The following DACH2 variants were observed in gnomAD, a reference collection of about 807,000 sequenced individuals.
DACH2 encodes the protein dachshund family transcription factor 2.
Under a neutral mutation model 35.8 loss-of-function variants are expected in DACH2, and 17 were observed. The ratio of observed to expected loss-of-function variants is 0.48; its 90% CI spans 0.33 to 0.71. The LOEUF is 0.71. DACH2 is among the 30% of genes least tolerant of loss of function. The pLI, the probability that DACH2 is intolerant of heterozygous loss-of-function variation, is 0.02. For missense variants in DACH2, 469 were observed against 472.7 expected, an observed-to-expected ratio of 0.99 and a Z score of 0.07; for synonymous variants, 195 against 177.3, an observed-to-expected ratio of 1.10 and a Z score of -0.79.
chrX:86,266,054 A>G (rs1171777610), intron 1 of DACH2, among the ~76,000 whole-genome samples: 1 of 111,757 alleles, frequency 8.9e-6, no homozygotes, highest in East Asian at 2.8e-4. Flanking sequence ...TTCAACCAAC[A>G]AAATGAACTT....
At chrX:86,436,366 GTATA>G (rs59478677) in intron 2 of DACH2, among the ~76,000 whole-genome samples, 117 of 83,778 alleles carry the variant, frequency 1.4e-3, no homozygotes, top group African/African-American at 4.5e-3. Flanking sequence ...GGTGATATAT[GTATA>G]TATATATATA....
chrX:86,252,080 C>A (rs2033412270), intron 1 of DACH2, among the ~76,000 whole-genome samples: 1 of 111,410 alleles, frequency 9.0e-6, no homozygotes, highest in African/African-American at 3.3e-5. Context: ...ATTTGCATTT[C>A]CCTGATAATT....
At chrX:86,167,138 C>T (rs963650935) in intron 1 of DACH2, among the ~76,000 whole-genome samples, 11 of 111,051 alleles carry the variant, frequency 9.9e-5, no homozygotes, top group Admixed American at 1.9e-4. Context: ...TATTGGGTTT[C>T]GTTCTTTTTA....
intron 11 of DACH2, among the ~76,000 whole-genome samples, chrX:86,824,335 G>T (rs777470309): frequency 9.0e-6 from 1 of 111,702 alleles, no homozygotes; most frequent in South Asian, 3.8e-4. Context: ...AGAAAAATAT[G>T]GCTCTATTTT....
In DACH2 at chrX:86,748,699, T is replaced by C. The variant is rs753542010; in HGVS notation, c.1240+8817T>C. Among the ~76,000 whole-genome samples the C allele has an allele frequency of 2.7e-5, 3 of 111,520 alleles. No individual in the cohort carries two copies. The South Asian group carries it at 1.1e-3, about 42-fold the overall frequency. On this transcript the variant is annotated intron_variant, in intron 7 of 11. Transcript: ENST00000373125. The stretch of plus-strand genomic sequence containing the variant: ...GGGTTTTTATTTTTGTAATGGAAAA[T>C]GTGCATTGGCTTGAACTTAAAGTCA...
chrX:86,592,042 A>G (rs1358445156), intron 3 of DACH2, among the ~76,000 whole-genome samples: 1 of 109,976 alleles, frequency 9.1e-6, no homozygotes, highest in Non-Finnish European at 1.9e-5. Flanking sequence ...CTAAACTATG[A>G]TTTTTTTTTA....
intron 7 of DACH2, among the ~76,000 whole-genome samples, chrX:86,740,613 T>G (rs1670904915): frequency 9.5e-6 from 1 of 104,821 alleles, no homozygotes; most frequent in Non-Finnish European, 1.9e-5. Context: ...TCAGAAGCCT[T>G]ACACCATAGA....
intron 2 of DACH2, among the ~76,000 whole-genome samples, chrX:86,475,635 A>G (rs1483338183): frequency 8.9e-6 from 1 of 111,830 alleles, no homozygotes; most frequent in Non-Finnish European, 1.9e-5. Context: ...ACAAACAATG[A>G]CAATTTGACT....
At chrX:86,280,401 G>A (rs1301325778) in intron 1 of DACH2, among the ~76,000 whole-genome samples, 1 of 111,971 alleles carries the variant, frequency 8.9e-6, no homozygotes, top group East Asian at 2.8e-4. Context: ...ACAAGCAAAT[G>A]CTAAGAGATT....
At chrX:86,738,821 A>T (rs1028068465) in intron 6 of DACH2, among the ~76,000 whole-genome samples, 5 of 111,511 alleles carry the variant, frequency 4.5e-5, no homozygotes, top group Non-Finnish European at 9.4e-5. Flanking sequence ...ACCTTGATAG[A>T]TCATAGTGTA....
intron 1 of DACH2, among the ~76,000 whole-genome samples, chrX:86,376,262 G>A (rs970079390): frequency 5.6e-5 from 6 of 106,952 alleles, no homozygotes; most frequent in South Asian, 4.2e-4. Flanking sequence ...GTGATCTGTC[G>A]GAGATCAATG....
intron 2 of DACH2, among the ~76,000 whole-genome samples, chrX:86,404,919 G>A (rs907162432): frequency 3.6e-5 from 4 of 112,283 alleles, no homozygotes; most frequent in South Asian, 3.7e-4. Flanking sequence ...CACATCCATA[G>A]GCTCAACACC....
At chrX:86,723,096 T>A (rs1284156062) in intron 6 of DACH2, among the ~76,000 whole-genome samples, 1 of 112,205 alleles carries the variant, frequency 8.9e-6, no homozygotes, top group Non-Finnish European at 1.9e-5. Flanking sequence ...CTCTAAGTTT[T>A]CAAGTATGCA....
intron 1 of DACH2, among the ~76,000 whole-genome samples, chrX:86,297,052 T>C (rs1352576425): frequency 1.1e-5 from 1 of 95,235 alleles, no homozygotes; most frequent in African/African-American, 4.3e-5. Flanking sequence ...TGTATATATA[T>C]ATATATATAT....
Position 86,286,944 on chromosome X carries a change from T to C in DACH2, c.489-89880T>C, listed in dbSNP as rs375015819. Among the ~76,000 whole-genome samples the C allele has an allele frequency of 7.5e-4, 84 of 112,147 alleles. 1 individual carries two copies. The highest frequency in any genetic ancestry group is 5.6e-3 in the East Asian group (20 of 3,579). On this transcript the variant is annotated intron_variant, in intron 1 of 11. Coordinates refer to ENST00000373125, the MANE Select transcript of DACH2 (RefSeq NM_053281.3). Reference sequence around the variant, plus strand: ...TGTGTCGTAATATTCTGTGTTTTTTTCTGTAATTACTATTAATATTACCAG... The same window carrying C: ...TGTGTCGTAATATTCTGTGTTTTTTCCTGTAATTACTATTAATATTACCAG...
chrX:86,297,043 G>GTATATATATATATATATATA (rs35078642), intron 1 of DACH2, among the ~76,000 whole-genome samples: 2 of 89,948 alleles, frequency 2.2e-5, no homozygotes, highest in African/African-American at 8.7e-5. Flanking sequence ...ATATAATTGT[G>GTATATATATATATATATATA]TATATATATA....
chrX:86,645,204 T>C (rs778330584), intron 3 of DACH2, among the ~76,000 whole-genome samples: 100 of 111,179 alleles, frequency 9.0e-4, no homozygotes, highest in Non-Finnish European at 1.7e-3. Flanking sequence ...TATAAGGGAC[T>C]TAAACAAATT....
chrX:86,219,377 G>C (rs73514017), intron 1 of DACH2, among the ~76,000 whole-genome samples: 8,615 of 110,678 alleles, frequency 0.078, 824 homozygotes, highest in African/African-American at 0.27. Context: ...ATGTGTCATG[G>C]GGGTTTATCG....
intron 1 of DACH2, among the ~76,000 whole-genome samples, chrX:86,278,868 C>T (rs1191506114): frequency 9.0e-6 from 1 of 111,409 alleles, no homozygotes; most frequent in African/African-American, 3.3e-5. Context: ...GAGGGGCGTC[C>T]GCAATTACTG....
Sources: allele counts gnomAD v4.1 joint callset (sites outside exome capture counted in the v4.1 genomes callset), GRCh38; gene constraint gnomAD v4.1.1; transcripts MANE v1.5; gene names NCBI Gene and HGNC (gene_info 2026-07-23, HGNC 2026-07-21).